Variants in TEX9 observed in about 807,000 individuals in gnomAD.
TEX9 encodes testis-expressed protein 9.
TEX9 carries 74 observed loss-of-function variants against 59.6 expected under a neutral mutation model. The observed-to-expected ratio is 1.24, with a 90% confidence interval of 1.03 to 1.51. The LOEUF (loss-of-function observed/expected upper bound fraction) is 1.51, where lower values mean the gene tolerates loss of function less well. Among genes scored for constraint, TEX9 ranks in the 40% most tolerant of loss-of-function variants. TEX9 has a pLI of 0.00. For synonymous variants in TEX9, 186 were observed against 152.2 expected (o/e 1.22, Z -1.64); for missense variants, 522 against 447.8 (o/e 1.17, Z -1.49).
chr15:56,294,688 A>T (rs2718950), intron 1 of TEX9, among the ~76,000 whole-genome samples: 1,695 of 152,162 alleles, frequency 0.011, 27 homozygotes, highest in African/African-American at 0.039. Flanking sequence ...TTCCTGTGTT[A>T]GTTGATGTGA....
At chr15:56,446,974 G>T (rs1467251215), downstream of TEX9, 1 of 1,481,916 alleles carries the variant, frequency 6.7e-7, no homozygotes, top group Admixed American at 1.7e-5. Context: ...AAATTTAAAT[G>T]TTAGGACCAT....
intron 2 of TEX9, among the ~76,000 whole-genome samples, chr15:56,369,573 G>C (rs960379504): frequency 5.3e-5 from 8 of 152,058 alleles, no homozygotes; most frequent in Admixed American, 5.2e-4. Context: ...GGTCTCAAAT[G>C]ATCCACCTTC....
chr15:56,368,045 A>C (rs562578584), intron 2 of TEX9, among the ~76,000 whole-genome samples: 4 of 152,146 alleles, frequency 2.6e-5, no homozygotes, highest in Non-Finnish European at 5.9e-5. Context: ...GGAATAGAAA[A>C]AGTGATGGTG....
intron 1 of TEX9, among the ~76,000 whole-genome samples, chr15:56,359,618 T>G (rs1325769652): frequency 1.3e-5 from 2 of 152,316 alleles, no homozygotes; most frequent in East Asian, 3.9e-4. Context: ...TTTTATTAGT[T>G]ACAGGAGAGT....
Position 56,297,322 on chromosome 15 carries a change from T to C in TEX9, c.-107+53044T>C, listed in dbSNP as rs962714217. ...ACTGGTAAGAAATACAAATATATGA[T>C]ATATAAAAACAAATGCTCTTTTGTG... is the stretch of plus-strand genomic sequence containing the variant. On this transcript the variant is annotated intron_variant, in intron 1 of 5. Coordinates refer to the TEX9 transcript ENST00000560827. Among the ~76,000 whole-genome samples the C allele has an allele frequency of 2.6e-5, 4 of 152,198 alleles. No individual in the cohort carries two copies. In the East Asian group the frequency reaches 7.7e-4, roughly 29 times the overall value.
intron 2 of TEX9, 123 bp downstream of exon 2, chr15:56,365,793 C>G (rs1274724451): frequency 6.8e-7 from 1 of 1,473,196 alleles, no homozygotes; most frequent in Non-Finnish European, 9.0e-7. Flanking sequence ...ATTCCCTTCT[C>G]GTCATCTCGT....
intron 1 of TEX9, among the ~76,000 whole-genome samples, chr15:56,322,149 A>G (rs761602597): frequency 1.3e-5 from 2 of 152,062 alleles, no homozygotes; most frequent in African/African-American, 2.4e-5. Context: ...AGCAAGCAGA[A>G]AAGGAGTGGA....
At chr15:56,396,775 A>G (rs2048498869) in intron 9 of TEX9, 1 of 152,130 alleles carries the variant, frequency 6.6e-6, no homozygotes, top group South Asian at 2.1e-4. Context: ...AGAGTTTCCC[A>G]GTGCAAACTT....
intron 9 of TEX9, among the ~76,000 whole-genome samples, chr15:56,398,985 T>C (rs1205937132): frequency 1.3e-5 from 2 of 152,130 alleles, no homozygotes; most frequent in African/African-American, 4.8e-5. Context: ...TACAAAACAG[T>C]GCCCTTCTAA....
At chr15:56,272,921 T>C (rs749248721) in intron 1 of TEX9, among the ~76,000 whole-genome samples, 2 of 119,530 alleles carry the variant, frequency 1.7e-5, no homozygotes, top group Non-Finnish European at 3.7e-5. Flanking sequence ...GTTCTTTATT[T>C]ATTTATTTAT....
intron 3 of TEX9, among the ~76,000 whole-genome samples, chr15:56,377,232 A>T (rs899652707): frequency 6.6e-6 from 1 of 152,130 alleles, no homozygotes; most frequent in South Asian, 2.1e-4. Flanking sequence ...AGCTTTGGCT[A>T]TTCTGAGTCT....
At chr15:56,413,226 T>A (rs988648137) in intron 10 of TEX9, among the ~76,000 whole-genome samples, 1 of 114,040 alleles carries the variant, frequency 8.8e-6, no homozygotes, top group Non-Finnish European at 1.7e-5. Flanking sequence ...AATAATTTAA[T>A]TTATTTAATA....
intron 1 of TEX9, among the ~76,000 whole-genome samples, chr15:56,290,090 G>C (rs1444006876): frequency 6.6e-6 from 1 of 152,176 alleles, no homozygotes; most frequent in Non-Finnish European, 1.5e-5. Flanking sequence ...TAGTGCCTGG[G>C]TCTGGAGAGT....
intron 3 of TEX9, among the ~76,000 whole-genome samples, chr15:56,377,110 C>T (rs1263550394): frequency 2.0e-5 from 3 of 152,086 alleles, no homozygotes; most frequent in Non-Finnish European, 4.4e-5. Context: ...TTCCATTGGT[C>T]TGTGTGTCTG....
the TEX9 span, among the ~76,000 whole-genome samples, chr15:56,452,669 C>A: frequency 0.031 from 4,655 of 152,052 alleles, 181 homozygotes; most frequent in African/African-American, 0.088. Context: ...CAGGCGTGTG[C>A]CACCAGGCCC....
At chr15:56,401,330 A>C (rs1367307337) in intron 9 of TEX9, among the ~76,000 whole-genome samples, 9 of 146,096 alleles carry the variant, frequency 6.2e-5, no homozygotes, top group African/African-American at 2.0e-4. Flanking sequence ...AAAAAAAAAA[A>C]AACAGGGGTT....
chr15:56,427,079 GCTCT>G lies in TEX9; in HGVS notation c.964-523_964-520del, dbSNP rs557190072. Among the ~76,000 whole-genome samples the G allele has an allele frequency of 1.7e-3, 260 of 152,134 alleles. 1 individual carries two copies. Among genetic ancestry groups the G allele is most frequent in the African/African-American group, 6.1e-3 (254 of 41,512 alleles). On this transcript the variant is annotated intron_variant, in intron 10 of 12. Coordinates refer to ENST00000352903, the Ensembl canonical transcript of TEX9. ...AATTTTGTACCACCTTGGCAGCCCT[GCTCT>G]CTGACTCCTCAGTCCAATAAGACTA...
At chr15:56,403,110 A>G (rs1030009162) in intron 9 of TEX9, among the ~76,000 whole-genome samples, 7 of 152,268 alleles carry the variant, frequency 4.6e-5, no homozygotes, top group Admixed American at 2.0e-4. Context: ...CTCCAGTTCA[A>G]CATAGTGTTG....
At chr15:56,419,952 T>C (rs1472933797) in intron 10 of TEX9, among the ~76,000 whole-genome samples, 1 of 151,862 alleles carries the variant, frequency 6.6e-6, no homozygotes, top group Non-Finnish European at 1.5e-5. Flanking sequence ...CTTTAATAGA[T>C]ACAGAAGTAT....
Sources: gnomAD v4.1 joint callset for allele counts (sites outside exome capture counted in the v4.1 genomes callset) on GRCh38, gnomAD v4.1.1 for gene constraint, MANE v1.5 for transcripts, NCBI Gene and HGNC (gene_info 2026-07-23, HGNC 2026-07-21) for gene names.